BRD4: variants seen among roughly 807,000 people sequenced by gnomAD.
BRD4 encodes bromodomain containing 4, also known as bromodomain-containing protein 4.
BRD4 carries 16 observed loss-of-function variants against 142.1 expected under a neutral mutation model. That is an observed-to-expected ratio of 0.11 (90% CI 0.08 to 0.17). The LOEUF (loss-of-function observed/expected upper bound fraction) is 0.17, where lower values mean the gene tolerates loss of function less well. BRD4 is among the 10% of genes least tolerant of loss of function. The pLI, the probability that BRD4 is intolerant of heterozygous loss-of-function variation, is 1.00. For synonymous variants in BRD4, 833 were observed against 707.5 expected (o/e 1.18, Z -2.82); for missense variants, 1,424 against 1,810.9 (o/e 0.79, Z 3.88).
chr19:15,265,775 C>A, intron 4 of BRD4, 132 bp from the exon 5 acceptor site: 1 of 978,202 alleles, frequency 1.0e-6, no homozygotes, highest in Non-Finnish European at 1.6e-6. Context: ...ACGAACATCC[C>A]AGACTCCACT....
intron 1 of BRD4, among the ~76,000 whole-genome samples, chr19:15,326,178 C>T (rs1599534202): frequency 6.9e-6 from 1 of 145,844 alleles, no homozygotes; most frequent in South Asian, 2.1e-4. Flanking sequence ...AAAAAAAGGC[C>T]GGGCGCTGTG....
intron 1 of BRD4, among the ~76,000 whole-genome samples, chr19:15,313,629 T>C (rs1021971104): frequency 2.0e-5 from 3 of 149,400 alleles, no homozygotes; most frequent in Non-Finnish European, 3.0e-5. Flanking sequence ...TGAGCCGAGA[T>C]TGCGCACTGC....
At chr19:15,265,298 G>A in intron 5 of BRD4, 56 bp downstream of exon 5, 2 of 1,427,966 alleles carry the variant, frequency 1.4e-6, no homozygotes, top group Non-Finnish European at 1.9e-6. Context: ...GCACGGGCAA[G>A]GACAGGGCCG....
Position 15,244,412 on chromosome 19 carries a change from G to A in BRD4, c.2400C>T (p.Phe800=), listed in dbSNP as rs1334323746. ...APAMKSSPPP[F]IATQVPVLEP... The stretch of plus-strand genomic sequence containing the variant: ...CCAGGACGGGCACCTGGGTGGCAAT[G>A]AAGGGTGGGGGCGAGGACTTCATCG... Residue 800 remains phenylalanine (F), a synonymous_variant, in exon 13 of 20, where the codon TTC becomes TTT. Coordinates refer to ENST00000679869, the MANE Select transcript of BRD4 (RefSeq NM_001379291.1). The A allele has an allele frequency of 1.9e-6, 3 of 1,592,162 alleles. No homozygotes were observed. Among genetic ancestry groups the A allele is most frequent in the Non-Finnish European group, 2.6e-6 (3 of 1,172,742 alleles).
intron 1 of BRD4, among the ~76,000 whole-genome samples, chr19:15,303,087 A>G (rs1184792382): frequency 6.6e-6 from 1 of 151,976 alleles, no homozygotes; most frequent in Non-Finnish European, 1.5e-5. Context: ...CTTGTGCTTT[A>G]CACTGAGAGA....
At chr19:15,310,213 CTTTTTTTTT>C (rs34519343) in intron 1 of BRD4, among the ~76,000 whole-genome samples, 2 of 122,408 alleles carry the variant, frequency 1.6e-5, no homozygotes, top group Non-Finnish European at 3.3e-5. Flanking sequence ...TTAAACAGTC[CTTTTTTTTT>C]TTTTTTTTTG....
At position 15,236,747 on chromosome 19, in the gene BRD4, C is replaced by T. The variant is rs191072403; in HGVS notation, c.*1630G>A. 8 of 174,850 alleles carry T rather than the reference C, an allele frequency of 4.6e-5. No homozygotes were observed. Among genetic ancestry groups the T allele is most frequent in the Non-Finnish European group, 9.9e-5 (8 of 80,986 alleles). 10.8% of individuals were successfully genotyped at this position (174,850 alleles called of 1,614,324 possible). A position where few individuals can be genotyped will look rare whatever the true frequency, so the allele number is the denominator to read the frequency against. ...GCTAGGTAATCCCTGGCAGTAGTTC[C>T]TGTACAGAGGTGGTCTGGGGTCCAG... On this transcript the variant is annotated 3_prime_UTR_variant, in exon 20 of 20. Coordinates refer to ENST00000679869, the MANE Select transcript of BRD4 (RefSeq NM_001379291.1).
chr19:15,247,680 G>C (rs2047302883), intron 11 of BRD4: 1 of 233,040 alleles, frequency 4.3e-6, no homozygotes, highest in Non-Finnish European at 8.5e-6. Flanking sequence ...CTCCCCAATT[G>C]TCCTGTGGGA....
chr19:15,249,819 C>T (rs1001786380), intron 11 of BRD4, among the ~76,000 whole-genome samples: 1 of 152,126 alleles, frequency 6.6e-6, no homozygotes, highest in African/African-American at 2.4e-5. Context: ...TGCAGGACCC[C>T]CAGTGGAGGG....
intron 1 of BRD4, among the ~76,000 whole-genome samples, chr19:15,330,394 T>C (rs190195761): frequency 4.3e-4 from 66 of 152,306 alleles, no homozygotes; most frequent in African/African-American, 1.5e-3. Flanking sequence ...CGCTTGGTTA[T>C]CTACAACGCA....
rs868796773 is a variant in BRD4 at position 15,243,340 on chromosome 19, T to TG, written c.2728dup (p.Gln910ProfsTer7). 4 of 877,984 alleles carry TG rather than the reference T, an allele frequency of 4.6e-6. No individual in the cohort carries two copies. Among genetic ancestry groups the TG allele is most frequent in the East Asian group, 1.3e-4 (1 of 7,824 alleles). The allele number at this position is 877,984 out of a possible 1,614,324, so 54.4% of individuals were successfully genotyped here. On this transcript the variant is annotated frameshift_variant, in exon 14 of 20. Coordinates refer to ENST00000679869, the MANE Select transcript of BRD4 (RefSeq NM_001379291.1). LOFTEE classifies it high-confidence loss of function. ...TGGCTCTTCATCCTCCAGCAGCACT[T>TG]GGGGGGGTTGGGCCATGGGGGGCTG...
rs2048169297 is a variant in BRD4, at chr19:15,332,330, C to CCCGCTG, written c.-81_-76dup. The stretch of plus-strand genomic sequence containing the variant: ...GCACGCCGCCCCCGCCGGCCGTCCG[C>CCCGCTG]CCGCTGCCGCCGCCCCCTCCCCGAG... On this transcript the variant is annotated 5_prime_UTR_variant, in exon 1 of 20. Transcript: ENST00000679869. The CCCGCTG allele has an allele frequency of 6.8e-6, 1 of 146,876 alleles. No individual in the cohort carries two copies. Among genetic ancestry groups the CCCGCTG allele is most frequent in the Non-Finnish European group, 1.5e-5 (1 of 65,748 alleles). The allele number at this position is 146,876 out of a possible 1,614,324, so 9.1% of individuals were successfully genotyped here.
rs78397797 is a variant in BRD4, at chr19:15,322,697, C to CAA, written c.-35+9591_-35+9592dup. ...GAAACCCCATCTCTACTAAAAAATA[C>CAA]AAAAAAAAAAAAAAAAAAAATTAGC... On this transcript the variant is annotated intron_variant, in intron 1 of 19. Coordinates refer to ENST00000679869, the MANE Select transcript of BRD4 (RefSeq NM_001379291.1). Among the ~76,000 whole-genome samples the CAA allele has an allele frequency of 2.1e-3, 190 of 92,264 alleles. 1 individual carries two copies. Among genetic ancestry groups the CAA allele is most frequent in the African/African-American group, 6.0e-3 (144 of 23,914 alleles). The allele number at this position is 92,264 out of a possible 152,430, so 60.5% of individuals were successfully genotyped here. A position where few individuals can be genotyped will look rare whatever the true frequency, so the allele number is the denominator to read the frequency against.
chr19:15,243,027 G>A lies in BRD4; in HGVS notation c.3042C>T (p.Pro1014=), dbSNP rs2047251630. Residue 1014 remains proline (P), a synonymous_variant, in exon 14 of 20, where the codon CCC becomes CCT. Coordinates refer to ENST00000679869, the MANE Select transcript of BRD4 (RefSeq NM_001379291.1). The part of the protein sequence containing the change: ...FSTHIQQPPP[P]QGQQPPHPPP... ...GCGGATGGGGGGGCTGCTGGCCCTGGGGTGGCGGGGGCTGTTGGATGTGGG... is the reference window on the plus strand; with the variant it reads ...GCGGATGGGGGGGCTGCTGGCCCTGAGGTGGCGGGGGCTGTTGGATGTGGG... 2 of 1,532,972 alleles carry A rather than the reference G, an allele frequency of 1.3e-6. No homozygotes were observed. 95.0% of individuals were successfully genotyped at this position (1,532,972 alleles called of 1,614,324 possible). A position where few individuals can be genotyped will look rare whatever the true frequency, so the allele number is the denominator to read the frequency against.
chr19:15,280,562 G>T, intron 1 of BRD4: 1 of 592,924 alleles, frequency 1.7e-6, no homozygotes, highest in Non-Finnish European at 2.1e-6. Context: ...ATACCACTGT[G>T]CTGAAGTCAT....
At chr19:15,248,835 GCAA>G (rs1343496299) in intron 11 of BRD4, 1 of 293,440 alleles carries the variant, frequency 3.4e-6, no homozygotes, top group Non-Finnish European at 6.5e-6. Context: ...TGATGTCACT[GCAA>G]GGTTCAGGAG....
chr19:15,288,449 C>T (rs1164489379), intron 1 of BRD4, among the ~76,000 whole-genome samples: 2 of 152,136 alleles, frequency 1.3e-5, no homozygotes, highest in African/African-American at 4.8e-5. Context: ...AACACAGGAT[C>T]CAGTTATAAA....
chr19:15,242,744 G>A (rs1382187746), intron 14 of BRD4, among the ~76,000 whole-genome samples, 156 bp downstream of exon 14: 1 of 152,066 alleles, frequency 6.6e-6, no homozygotes, highest in Non-Finnish European at 1.5e-5. Context: ...CACACTGTAG[G>A]AAGCACCAAT....
At chr19:15,288,745 G>A (rs2047759203) in intron 1 of BRD4, among the ~76,000 whole-genome samples, 1 of 152,240 alleles carries the variant, frequency 6.6e-6, no homozygotes, top group Non-Finnish European at 1.5e-5. Flanking sequence ...CGTGGCGGGT[G>A]CCTGCCCCTG....
Sources: allele counts gnomAD v4.1 joint callset (sites outside exome capture counted in the v4.1 genomes callset), GRCh38; gene constraint gnomAD v4.1.1; transcripts MANE v1.5; gene names NCBI Gene and HGNC (gene_info 2026-07-23, HGNC 2026-07-21).